Variants in SACM1L observed in about 807,000 individuals in gnomAD.
The protein encoded by SACM1L is phosphatidylinositol-3-phosphatase SAC1.
In SACM1L, 32 loss-of-function variants were observed where a neutral mutation model predicts 89.5. The observed-to-expected ratio is 0.36, with a 90% CI of 0.27 to 0.48. The LOEUF (loss-of-function observed/expected upper bound fraction) is 0.48, where lower values mean the gene tolerates loss of function less well. Ranked by LOEUF, SACM1L falls within the 20% of genes least tolerant of loss-of-function variation. The probability of loss-of-function intolerance (pLI) is 0.99; values close to 1 mark genes in which losing one functional copy is unlikely to be tolerated. For missense variants in SACM1L, 543 were observed against 708.5 expected (o/e 0.77, Z 2.65); for synonymous variants, 213 against 232.8 (o/e 0.92, Z 0.77).
intron 13 of SACM1L, among the ~76,000 whole-genome samples, chr3:45,733,889 T>G (rs1025429948): frequency 6.6e-6 from 1 of 152,202 alleles, no homozygotes; most frequent in Admixed American, 6.5e-5. Context: ...GATAGTTTGC[T>G]TCCTGCATCC....
chr3:45,715,440 C>T (rs1698628895), intron 7 of SACM1L, among the ~76,000 whole-genome samples: 1 of 152,124 alleles, frequency 6.6e-6, no homozygotes, highest in South Asian at 2.1e-4. Flanking sequence ...TGTTTCCCCA[C>T]CCCGAGCTTT....
At chr3:45,722,978 T>G (rs1698821090) in intron 10 of SACM1L, 23 bp downstream of exon 10, 1 of 1,571,178 alleles carries the variant, frequency 6.4e-7, no homozygotes, top group Non-Finnish European at 8.8e-7. Context: ...CATGCCTTTT[T>G]TGTTGGTTAA....
chr3:45,734,994 T>C (rs560144145), intron 13 of SACM1L: 1 of 408,990 alleles, frequency 2.4e-6, no homozygotes, highest in South Asian at 6.4e-5. Context: ...TTTTCACATC[T>C]TTGGGGTGAG....
chr3:45,700,698 G>T (rs1464036893), intron 1 of SACM1L, among the ~76,000 whole-genome samples: 1 of 152,070 alleles, frequency 6.6e-6, no homozygotes, highest in Non-Finnish European at 1.5e-5. Flanking sequence ...GTCTCACTCT[G>T]TTGCCCAGGC....
chr3:45,732,836 C>G (rs1364789126), intron 13 of SACM1L, among the ~76,000 whole-genome samples: 51 of 152,190 alleles, frequency 3.4e-4, no homozygotes, highest in Admixed American at 3.3e-3. Flanking sequence ...CTACCATTTT[C>G]TTCTGCCTGT....
chr3:45,732,937 G>A (rs1020633976), intron 13 of SACM1L, among the ~76,000 whole-genome samples: 2 of 152,150 alleles, frequency 1.3e-5, no homozygotes, highest in Non-Finnish European at 2.9e-5. Flanking sequence ...CATTTGCTCA[G>A]TTTTCAAAAA....
chr3:45,705,029 C>G, intron 2 of SACM1L, 106 bp from the exon 3 acceptor site: 2 of 673,592 alleles, frequency 3.0e-6, no homozygotes. Flanking sequence ...TAGAACAAAT[C>G]ATGCAAATTG....
At chr3:45,708,748 T>G (rs547176399) in intron 4 of SACM1L, among the ~76,000 whole-genome samples, 3 of 152,270 alleles carry the variant, frequency 2.0e-5, no homozygotes, top group Non-Finnish European at 2.9e-5. Flanking sequence ...AAAACATGTC[T>G]GAGCACAAAT....
chr3:45,703,767 G>A (rs996367644), intron 2 of SACM1L, among the ~76,000 whole-genome samples: 2 of 152,050 alleles, frequency 1.3e-5, no homozygotes, highest in African/African-American at 2.4e-5. Context: ...TTTACTGTCC[G>A]TAAGGATTTA....
At chr3:45,740,690 C>G (rs962662018) in intron 19 of SACM1L, among the ~76,000 whole-genome samples, 1 of 152,134 alleles carries the variant, frequency 6.6e-6, no homozygotes, top group Non-Finnish European at 1.5e-5. Flanking sequence ...CCACTCTTAA[C>G]ATTTTGATGT....
Position 45,723,546 on chromosome 3 carries a change from A to G in SACM1L, c.921+3A>G. On this transcript the variant is annotated splice_donor_region_variant and intron_variant, in intron 11 of 19. Coordinates refer to ENST00000389061, the MANE Select transcript of SACM1L (RefSeq NM_014016.5). ...GAAAACAAGTTATAATCAATCTGGT[A>G]TGTTTCTTATGTTTCTTGGGGGGAA... The G allele has an allele frequency of 7.4e-7, 1 of 1,359,838 alleles. No individual in the cohort carries two copies. Among genetic ancestry groups the G allele is most frequent in the Non-Finnish European group, 1.0e-6 (1 of 1,002,312 alleles). The allele number at this position is 1,359,838 out of a possible 1,614,324, so 84.2% of individuals were successfully genotyped here.
intron 3 of SACM1L, among the ~76,000 whole-genome samples, 156 bp downstream of exon 3, chr3:45,705,365 T>A (rs1483486795): frequency 6.6e-6 from 1 of 152,156 alleles, no homozygotes; most frequent in Non-Finnish European, 1.5e-5. Flanking sequence ...TTAAAAGAAA[T>A]ACTCCCCAAA....
Position 45,739,888 on chromosome 3 carries a change from A to G in SACM1L, c.1627+244A>G, listed in dbSNP as rs13059502. The G allele has an allele frequency of 0.62, 332,780 of 541,040 alleles. 105,217 individuals are homozygous for G. Among genetic ancestry groups the G allele is most frequent in the Middle Eastern group, 0.67 (1,346 of 2,018 alleles). 33.5% of individuals were successfully genotyped at this position (541,040 alleles called of 1,614,324 possible). ...ATGTTTTTCTTATTACTGTAAACCAATGAGTGTCTGAGACAGGTCTCAGTC... is the reference window on the plus strand; with the variant it reads ...ATGTTTTTCTTATTACTGTAAACCAGTGAGTGTCTGAGACAGGTCTCAGTC... On this transcript the variant is annotated intron_variant, in intron 19 of 19. Coordinates refer to ENST00000389061, the MANE Select transcript of SACM1L (RefSeq NM_014016.5).
At chr3:45,697,269 C>CTTTTTTTTTTTTTTTTTTTTTTTTTT (rs869095037) in intron 1 of SACM1L, among the ~76,000 whole-genome samples, 1 of 92,090 alleles carries the variant, frequency 1.1e-5, no homozygotes, top group African/African-American at 4.3e-5. Context: ...TTTTCTTTTC[C>CTTTTTTTTTTTTTTTTTTTTTTTTTT]TTTTTTTTTT....
chr3:45,725,111 G>A (rs555284495), intron 11 of SACM1L, among the ~76,000 whole-genome samples: 2 of 152,168 alleles, frequency 1.3e-5, no homozygotes, highest in African/African-American at 2.4e-5. Context: ...TTTTAAAATC[G>A]GGAAGTGTGA....
At chr3:45,742,327 G>A (rs927358626) in intron 19 of SACM1L, among the ~76,000 whole-genome samples, 1 of 152,192 alleles carries the variant, frequency 6.6e-6, no homozygotes, top group South Asian at 2.1e-4. Context: ...GATAAACTTT[G>A]TGATGTTTGG....
chr3:45,705,017 C>T (rs1405769952), intron 2 of SACM1L, 118 bp from the exon 3 acceptor site: 2 of 638,106 alleles, frequency 3.1e-6, no homozygotes, highest in Non-Finnish European at 5.5e-6. Flanking sequence ...TGTTGCTTTT[C>T]TTAGAACAAA....
At chr3:45,723,580 C>T in intron 11 of SACM1L, 37 bp downstream of exon 11, 1 of 1,174,840 alleles carries the variant, frequency 8.5e-7, no homozygotes, top group African/African-American at 1.6e-5. Context: ...AAAAAAAAGC[C>T]TTAACTTTTT....
chr3:45,739,935 A>G, intron 19 of SACM1L: 4 of 426,552 alleles, frequency 9.4e-6, no homozygotes, highest in Middle Eastern at 1.3e-3. Flanking sequence ...TTAATTTGCC[A>G]AGGTTGAGGA....
Sources: allele counts gnomAD v4.1 joint callset (sites outside exome capture counted in the v4.1 genomes callset), GRCh38; gene constraint gnomAD v4.1.1; transcripts MANE v1.5; gene names NCBI Gene and HGNC (gene_info 2026-07-23, HGNC 2026-07-21).